The following RDH13 variants were observed in gnomAD, a reference collection of about 807,000 sequenced individuals.
RDH13 encodes the protein retinol dehydrogenase 13, also known as retinol dehydrogenase 13 (all-trans and 9-cis).
Under a neutral mutation model 28.3 loss-of-function variants are expected in RDH13, and 35 were observed. That is an observed-to-expected ratio of 1.24 (90% CI 0.95 to 1.64). The LOEUF is 1.64. Ranked by LOEUF, RDH13 falls within the 40% of genes most tolerant of loss-of-function variation. The pLI, the probability that RDH13 is intolerant of heterozygous loss-of-function variation, is 0.00. For missense variants in RDH13, 514 were observed against 446.3 expected, an observed-to-expected ratio of 1.15 and a Z score of -1.37; for synonymous variants, 229 against 198.5, an observed-to-expected ratio of 1.15 and a Z score of -1.29.
chr19:55,050,125 T>TTTTG (rs1491560171), intron 3 of RDH13, among the ~76,000 whole-genome samples: 4 of 47,310 alleles, frequency 8.5e-5, no homozygotes, highest in African/African-American at 2.4e-4. Flanking sequence ...TTTTTTTTTT[T>TTTTG]GGGGGGGGGA....
At position 55,047,271 on chromosome 19, in the gene RDH13, C is replaced by G. The variant is rs192252586; in HGVS notation, c.760+116G>C. The stretch of plus-strand genomic sequence containing the variant: ...TGCTCTGTGCCTCAGAAGACGTAGG[C>G]GAGGAGCAGGCATGAGGCCTCAGGG... On this transcript the variant is annotated intron_variant, in intron 6 of 6. Coordinates refer to ENST00000415061, the MANE Select transcript of RDH13 (RefSeq NM_001145971.2). 5.2e-5 allele frequency: 77 copies of G among 1,474,106 alleles called. No individual in the cohort carries two copies. In the East Asian group the frequency reaches 1.6e-3, roughly 30 times the overall value. 91.3% of individuals were successfully genotyped at this position (1,474,106 alleles called of 1,614,324 possible).
rs556285823 is a variant in RDH13, at chr19:55,052,725, C to G, written c.340+3928G>C. Among the ~76,000 whole-genome samples, 42 of 150,356 alleles carry G rather than the reference C, an allele frequency of 2.8e-4. No homozygotes were observed. In the East Asian group the frequency reaches 6.8e-3, roughly 24 times the overall value. The stretch of plus-strand genomic sequence containing the variant: ...CACCCAGGCTGGAGTGCAGTGGCGC[C>G]ATCTCGGCTCACTGCAAGCTCCACC... On this transcript the variant is annotated intron_variant, in intron 3 of 6. Coordinates refer to ENST00000415061, the MANE Select transcript of RDH13 (RefSeq NM_001145971.2).
chr19:55,052,563 C>T (rs1360684343), intron 3 of RDH13, among the ~76,000 whole-genome samples: 1 of 151,460 alleles, frequency 6.6e-6, no homozygotes, highest in African/African-American at 2.4e-5. Context: ...AAAAAAAATC[C>T]CTCACTGCAG....
chr19:55,054,758 G>A (rs1301208192), intron 3 of RDH13, among the ~76,000 whole-genome samples: 1 of 143,816 alleles, frequency 7.0e-6, no homozygotes, highest in Non-Finnish European at 1.5e-5. Flanking sequence ...TTTAATCTTT[G>A]GTACACACAA....
chr19:55,050,505 C>G (rs1247056683), intron 3 of RDH13, among the ~76,000 whole-genome samples: 1 of 152,102 alleles, frequency 6.6e-6, no homozygotes, highest in South Asian at 2.1e-4. Flanking sequence ...CTCACTGCAG[C>G]CTCAACCTCC....
intron 2 of RDH13, 131 bp downstream of exon 2, chr19:55,059,026 G>A: frequency 3.0e-6 from 2 of 659,658 alleles, no homozygotes; most frequent in South Asian, 3.7e-5. Flanking sequence ...GTCTATAGAA[G>A]CCACATTCTG....
chr19:55,067,447 C>T (rs2075980981), upstream of RDH13: 1 of 152,094 alleles, frequency 6.6e-6, no homozygotes, highest in Admixed American at 6.6e-5. Flanking sequence ...AAGCAGAAGG[C>T]ATGGGACAGG....
intron 6 of RDH13, among the ~76,000 whole-genome samples, chr19:55,045,954 A>AAAAAAG (rs2075214516): frequency 7.0e-6 from 1 of 143,264 alleles, no homozygotes; most frequent in African/African-American, 2.6e-5. Flanking sequence ...CTCAAAAAAA[A>AAAAAAG]AAAAAAAAAA....
upstream of RDH13, among the ~76,000 whole-genome samples, chr19:55,066,558 T>TCC (rs2075965334): frequency 7.0e-6 from 1 of 142,316 alleles, no homozygotes; most frequent in Admixed American, 7.1e-5. Flanking sequence ...TCTTCCTCTC[T>TCC]CCCTCTCCCT....
intron 3 of RDH13, among the ~76,000 whole-genome samples, chr19:55,048,996 T>C (rs80309968): frequency 0.1 from 15,339 of 152,038 alleles, 957 homozygotes; most frequent in Non-Finnish European, 0.14. Flanking sequence ...GAGAAGGCCA[T>C]GTGTGGACAG....
At position 55,044,606 on chromosome 19, in the gene RDH13, A is replaced by G. The variant is rs2075138747; in HGVS notation, c.*468T>C. 6.3e-6 allele frequency: 1 copy of G among 159,696 alleles called. No individual in the cohort carries two copies. Among genetic ancestry groups the G allele is most frequent in the Non-Finnish European group, 1.4e-5 (1 of 73,412 alleles). 9.9% of individuals were successfully genotyped at this position (159,696 alleles called of 1,614,324 possible). On this transcript the variant is annotated 3_prime_UTR_variant, in exon 7 of 7. Transcript: ENST00000415061. ...CACACCATCATGGGAGACAGCAGTT[A>G]TTCTGAGCATCTCACTGCTGAAGAA... is the stretch of plus-strand genomic sequence containing the variant.
At chr19:55,068,694 G>GT in intron 1 of RDH13, 1 of 144,686 alleles carries the variant, frequency 6.9e-6, no homozygotes, top group Non-Finnish European at 1.5e-5. Flanking sequence ...AAATTAGCCA[G>GT]GCACGGTGGC....
intron 2 of RDH13, among the ~76,000 whole-genome samples, chr19:55,058,824 G>A (rs766489651): frequency 2.0e-5 from 3 of 152,146 alleles, no homozygotes; most frequent in Non-Finnish European, 4.4e-5. Context: ...GGGACTACAG[G>A]TGCCCACCAC....
downstream of RDH13, chr19:55,040,253 G>C (rs1439393413): frequency 6.6e-6 from 1 of 152,632 alleles, no homozygotes; most frequent in Non-Finnish European, 1.5e-5. Flanking sequence ...CCGCCTCCCA[G>C]GTTCAAGCGA....
chr19:55,040,714 T>C (rs2075005103), downstream of RDH13: 1 of 152,274 alleles, frequency 6.6e-6, no homozygotes, highest in African/African-American at 2.4e-5. Context: ...TTAAAATTAT[T>C]GGTAAAATAA....
rs900167754 is a variant in RDH13, at chr19:55,044,802, C to T, written c.*272G>A. 20 of 462,780 alleles carry T rather than the reference C, an allele frequency of 4.3e-5. No individual in the cohort carries two copies. Among genetic ancestry groups the T allele is most frequent in the African/African-American group, 6.0e-5 (3 of 50,184 alleles). The allele number at this position is 462,780 out of a possible 1,614,324, so 28.7% of individuals were successfully genotyped here. A position where few individuals can be genotyped will look rare whatever the true frequency, so the allele number is the denominator to read the frequency against. On this transcript the variant is annotated 3_prime_UTR_variant, in exon 7 of 7. Coordinates refer to ENST00000415061, the MANE Select transcript of RDH13 (RefSeq NM_001145971.2). Reference sequence around the variant, plus strand: ...CAAGTGCACGGAGCCCCTTCCTCCTCGGCCATTCCCAGTTTAGATTCCCAG... The same window carrying T: ...CAAGTGCACGGAGCCCCTTCCTCCTTGGCCATTCCCAGTTTAGATTCCCAG...
At chr19:55,043,845 T>G (rs576639793), downstream of RDH13, among the ~76,000 whole-genome samples, 1 of 152,270 alleles carries the variant, frequency 6.6e-6, no homozygotes, top group African/African-American at 2.4e-5. Context: ...ACAGCAGTCT[T>G]GTAAGATGCC....
Position 55,045,217 on chromosome 19 carries a change from CG to C in RDH13, c.852del (p.Gly285GlufsTer35). 6.2e-7 allele frequency: 1 copy of C among 1,613,470 alleles called. No homozygotes were observed. Among genetic ancestry groups the C allele is most frequent in the Non-Finnish European group, 8.5e-7 (1 of 1,180,024 alleles). On this transcript the variant is annotated frameshift_variant, in exon 7 of 7. Transcript: ENST00000415061. LOFTEE classifies it low-confidence loss of function (END_TRUNC). ...TGTTTGAGTCCATCGAAGTACTTTCCGGAAACATCCGCCAGTTCCTCCGCCA... is the reference window on the plus strand; with the variant it reads ...TGTTTGAGTCCATCGAAGTACTTTCCGAAACATCCGCCAGTTCCTCCGCCA... ...LAVAEELADV[S>X]GKYFDGLKQK...
rs1299368281 is a variant in RDH13, at chr19:55,063,097, T to A, written c.-65A>T. ...CGGAGCTTGCTGCACACCAGCCGCC[T>A]GGGTAGCTCCGAGGAAGAGCGCGCG... On this transcript the variant is annotated 5_prime_UTR_variant, in exon 1 of 7. Transcript: ENST00000415061. The A allele has an allele frequency of 7.2e-6, 9 of 1,248,406 alleles. No homozygotes were observed. In the East Asian group the frequency reaches 2.5e-4, roughly 35 times the overall value. 77.3% of individuals were successfully genotyped at this position (1,248,406 alleles called of 1,614,324 possible). A position where few individuals can be genotyped will look rare whatever the true frequency, so the allele number is the denominator to read the frequency against.
Sources: allele counts gnomAD v4.1 joint callset (sites outside exome capture counted in the v4.1 genomes callset), GRCh38; gene constraint gnomAD v4.1.1; transcripts MANE v1.5; gene names NCBI Gene and HGNC (gene_info 2026-07-23, HGNC 2026-07-21).